SLC9A8: variants seen among roughly 807,000 people sequenced by gnomAD.
SLC9A8 encodes sodium/hydrogen exchanger 8.
A neutral mutation model predicts 66.6 loss-of-function variants in SLC9A8; 48 were observed. The observed-to-expected ratio is 0.72, with a 90% CI of 0.57 to 0.92. The LOEUF (loss-of-function observed/expected upper bound fraction) is 0.92, where lower values mean the gene tolerates loss of function less well. SLC9A8 is among the 40% of genes least tolerant of loss of function. The pLI, the probability that SLC9A8 is intolerant of heterozygous loss-of-function variation, is 0.00. For synonymous variants in SLC9A8, 274 were observed against 282.6 expected (o/e 0.97, Z 0.31); for missense variants, 599 against 747.3 (o/e 0.80, Z 2.31).
In SLC9A8 at chr20:49,878,013, A is replaced by T; in HGVS notation, c.1108A>T (p.Ile370Phe). The change falls in exon 12 of 16, where the codon ATT (isoleucine) becomes TTT (phenylalanine). Residue 370 changes from isoleucine to phenylalanine, a missense_variant. By Grantham distance (21) the Ile-to-Phe change is conservative (BLOSUM62 0). Transcript: ENST00000361573. ...TGTGTTTGCATTTCTTGGCCTGTCCATTTTTAGTTTTCCTCACAAGTTTGA... is the reference window on the plus strand; with the variant it reads ...TGTGTTTGCATTTCTTGGCCTGTCCTTTTTTAGTTTTCCTCACAAGTTTGA... ...TCVFAFLGLS[I>F]FSFPHKFEIS... 1 of 1,605,226 alleles carries T rather than the reference A, an allele frequency of 6.2e-7. No individual in the cohort carries two copies. Among genetic ancestry groups the T allele is most frequent in the Non-Finnish European group, 8.5e-7 (1 of 1,177,978 alleles).
In SLC9A8 at chr20:49,834,696, G is replaced by A. The variant is rs376878819; in HGVS notation, c.290-4845G>A. Among the ~76,000 whole-genome samples the A allele has an allele frequency of 2.6e-4, 40 of 151,888 alleles. No homozygotes were observed. In the East Asian group the frequency reaches 3.5e-3, roughly 13 times the overall value. ...ATAATATCACATTGTATTTTACAGC[G>A]CTTCCTAGTACATCATAAATAATAA... On this transcript the variant is annotated intron_variant, in intron 3 of 15. Coordinates refer to ENST00000361573, the MANE Select transcript of SLC9A8 (RefSeq NM_015266.3).
At position 49,840,945 on chromosome 20, in the gene SLC9A8, C is replaced by T. The variant is rs185391271; in HGVS notation, c.348+1346C>T. 4.5e-3 allele frequency among the ~76,000 whole-genome samples: 676 copies of T among 149,404 alleles called. 7 individuals are homozygous for T. The highest frequency in any genetic ancestry group is 0.016 in the African/African-American group (652 of 40,430). On this transcript the variant is annotated intron_variant, in intron 4 of 15. Transcript: ENST00000361573. ...CAGCCTGGGCAACATGGTGAAACTC[C>T]GTCTCTAAAAAAATACAAAAAAAAA...
intron 6 of SLC9A8, 181 bp from the exon 7 acceptor site, chr20:49,850,629 A>C (rs537439852): frequency 3.2e-6 from 2 of 620,644 alleles, no homozygotes; most frequent in East Asian, 5.6e-5. Flanking sequence ...CTCTCGTTGC[A>C]TGCCGATGGA....
In SLC9A8 at chr20:49,878,077, T is replaced by A; in HGVS notation, c.1158+14T>A. 1.2e-6 allele frequency: 1 copy of A among 842,438 alleles called. No individual in the cohort carries two copies. The highest frequency in any genetic ancestry group is 1.7e-6 in the Non-Finnish European group (1 of 602,192). 52.2% of individuals were successfully genotyped at this position (842,438 alleles called of 1,614,324 possible). ...ATCTGGTGCATAGTAAGTATTTTCC[T>A]TTTTTTTTTTAAATTTAATTACTTA... is the stretch of plus-strand genomic sequence containing the variant. On this transcript the variant is annotated intron_variant, in intron 12 of 15. Transcript: ENST00000361573.
At chr20:49,816,614 T>C (rs2086557793) in intron 2 of SLC9A8, among the ~76,000 whole-genome samples, 1 of 152,026 alleles carries the variant, frequency 6.6e-6, no homozygotes, top group Admixed American at 6.6e-5. Flanking sequence ...CCTCCCAGTG[T>C]GCCTCCATCT....
chr20:49,835,117 A>G (rs1232795157), intron 3 of SLC9A8, among the ~76,000 whole-genome samples: 1 of 152,154 alleles, frequency 6.6e-6, no homozygotes, highest in Non-Finnish European at 1.5e-5. Flanking sequence ...CAATATTTTC[A>G]GAGTTAAAAA....
chr20:49,874,884 C>A, intron 11 of SLC9A8, 63 bp downstream of exon 11: 1 of 1,158,438 alleles, frequency 8.6e-7, no homozygotes, highest in Non-Finnish European at 1.3e-6. Flanking sequence ...CTTCCTTATC[C>A]TGTTTGAGAA....
intron 10 of SLC9A8, among the ~76,000 whole-genome samples, chr20:49,867,140 T>C (rs1323126401): frequency 6.6e-6 from 1 of 152,352 alleles, no homozygotes; most frequent in Non-Finnish European, 1.5e-5. Context: ...ATTTTCTTGC[T>C]CTTTGCTTGT....
At chr20:49,814,589 C>T (rs2086477684) in intron 1 of SLC9A8, among the ~76,000 whole-genome samples, 1 of 152,032 alleles carries the variant, frequency 6.6e-6, no homozygotes, top group Non-Finnish European at 1.5e-5. Context: ...AACAACTGGG[C>T]AAATTGAGGT....
At chr20:49,845,289 G>A (rs570885390) in intron 5 of SLC9A8, among the ~76,000 whole-genome samples, 170 bp downstream of exon 5, 2 of 152,326 alleles carry the variant, frequency 1.3e-5, no homozygotes, top group South Asian at 4.1e-4. Context: ...CTGGAGAGGA[G>A]CAGACATGAT....
chr20:49,818,297 A>G (rs989626716), intron 2 of SLC9A8, among the ~76,000 whole-genome samples: 25 of 151,978 alleles, frequency 1.6e-4, no homozygotes, highest in South Asian at 4.2e-4. Flanking sequence ...AGTCACACCA[A>G]TGTTAGATGG....
At chr20:49,835,426 T>G (rs906506049) in intron 3 of SLC9A8, among the ~76,000 whole-genome samples, 8 of 152,012 alleles carry the variant, frequency 5.3e-5, no homozygotes, top group Non-Finnish European at 1.5e-5. Flanking sequence ...ATTCACAGAG[T>G]TGTACTACCA....
Position 49,887,909 on chromosome 20 carries a change from C to T in SLC9A8, c.1719C>T (p.Ser573=), listed in dbSNP as rs756771863. The T allele has an allele frequency of 7.4e-6, 12 of 1,613,720 alleles. No homozygotes were observed. Among genetic ancestry groups the T allele is most frequent in the Middle Eastern group, 1.7e-4 (1 of 6,060 alleles). ...AGGTACGCCAGGGCCCCTCCGGCTC[C>T]GAGGACGACGAGCAGGAGCTGCTCT... ...YEEVRQGPSG[S]EDDEQELL is the part of the protein sequence containing the mutation. The change falls in exon 16 of 16, where the codon TCC becomes TCT. Residue 573 remains serine (S), a synonymous_variant. Coordinates refer to ENST00000361573, the MANE Select transcript of SLC9A8 (RefSeq NM_015266.3).
At chr20:49,823,191 A>AT (rs1568792704) in intron 3 of SLC9A8, 50 bp downstream of exon 3, 6 of 1,395,548 alleles carry the variant, frequency 4.3e-6, no homozygotes, top group Non-Finnish European at 5.1e-6. Context: ...AATAACTACC[A>AT]TTTTTTGAGT....
At chr20:49,824,303 A>T (rs2086842990) in intron 3 of SLC9A8, among the ~76,000 whole-genome samples, 1 of 152,258 alleles carries the variant, frequency 6.6e-6, no homozygotes, top group Admixed American at 6.5e-5. Context: ...TTTTAGCAAT[A>T]TATCTTGGTA....
In SLC9A8 at chr20:49,850,798, T is replaced by A; in HGVS notation, c.535-12T>A. The A allele has an allele frequency of 6.2e-7, 1 of 1,612,250 alleles. No individual in the cohort carries two copies. Among genetic ancestry groups the A allele is most frequent in the Non-Finnish European group, 8.5e-7 (1 of 1,179,460 alleles). The stretch of plus-strand genomic sequence containing the variant: ...TGTGTGTGTCTGTGTGTTTGTGTGT[T>A]TTATTTTACAGGCTGATGTAATCTC... On this transcript the variant is annotated splice_polypyrimidine_tract_variant and intron_variant, in intron 6 of 15. Coordinates refer to ENST00000361573, the MANE Select transcript of SLC9A8 (RefSeq NM_015266.3).
At chr20:49,821,780 G>T (rs867494476) in intron 2 of SLC9A8, among the ~76,000 whole-genome samples, 8 of 151,890 alleles carry the variant, frequency 5.3e-5, no homozygotes, top group African/African-American at 1.5e-4. Flanking sequence ...TTTGCCGGGG[G>T]GTTGGTGGGG....
intron 13 of SLC9A8, 34 bp downstream of exon 13, chr20:49,881,069 G>A (rs773638923): frequency 3.4e-6 from 5 of 1,490,062 alleles, no homozygotes; most frequent in African/African-American, 1.4e-5. Flanking sequence ...GGGTGGGGAA[G>A]TACCTGTTAA....
At chr20:49,822,998 T>A in intron 2 of SLC9A8, 63 bp from the exon 3 acceptor site, 1 of 1,328,676 alleles carries the variant, frequency 7.5e-7, no homozygotes. Context: ...GACTTGAACT[T>A]GGTGTTTATC....
Sources: gnomAD v4.1 joint callset for allele counts (sites outside exome capture counted in the v4.1 genomes callset) on GRCh38, gnomAD v4.1.1 for gene constraint, MANE v1.5 for transcripts, NCBI Gene and HGNC (gene_info 2026-07-23, HGNC 2026-07-21) for gene names.